The following FSD2 variants were observed in gnomAD, a reference collection of about 807,000 sequenced individuals.
FSD2 encodes fibronectin type III and SPRY domain-containing protein 2.
Under a neutral mutation model 80.4 loss-of-function variants are expected in FSD2, and 71 were observed. The observed-to-expected ratio is 0.88, with a 90% confidence interval of 0.73 to 1.08. The LOEUF (loss-of-function observed/expected upper bound fraction) is 1.08. Ranked by LOEUF, FSD2 falls within the 50% of genes least tolerant of loss-of-function variation. FSD2 has a pLI of 0.00. For missense variants in FSD2, 923 were observed against 913.8 expected (o/e 1.01, Z -0.13); for synonymous variants, 361 against 329.5 (o/e 1.10, Z -1.03).
rs533506972 is a variant in FSD2 at position 82,762,614 on chromosome 15, A to G, written c.1821-336T>C. Among the ~76,000 whole-genome samples the G allele has an allele frequency of 2.6e-5, 4 of 152,352 alleles. No individual in the cohort carries two copies. In the East Asian group the frequency reaches 7.7e-4, roughly 29 times the overall value. On this transcript the variant is annotated intron_variant, in intron 11 of 12. Coordinates refer to ENST00000334574, the MANE Select transcript of FSD2 (RefSeq NM_001007122.4). ...AAGAAAAGGGTTGAAAATACACAAC[A>G]CAGCACGGTTAAGGGAACCATAAGC... is the stretch of plus-strand genomic sequence containing the variant.
In FSD2 at chr15:82,765,200, T is replaced by C. The variant is rs2049386344; in HGVS notation, c.1786A>G (p.Arg596Gly). Residue 596 changes from arginine (R) to glycine (G), a missense_variant, in exon 11 of 13, where the codon AGG becomes GGG. Arg to Gly is a moderately radical substitution (Grantham distance 125). Coordinates refer to ENST00000334574, the MANE Select transcript of FSD2 (RefSeq NM_001007122.4). ...TGAGTGTCGCTGGGTGACAGCTCCCTGGCGGGGGTTCTCCTTTCACTTCGT... is the reference window on the plus strand; with the variant it reads ...TGAGTGTCGCTGGGTGACAGCTCCCCGGCGGGGGTTCTCCTTTCACTTCGT... The part of the protein sequence containing the change: ...AVRSERRTPA[R>G]ELSPSDTHFT... 7.5e-6 allele frequency: 12 copies of C among 1,607,240 alleles called. No individual in the cohort carries two copies. Among genetic ancestry groups the C allele is most frequent in the Non-Finnish European group, 1.0e-5 (12 of 1,176,328 alleles).
intron 1 of FSD2, among the ~76,000 whole-genome samples, chr15:82,803,128 T>A (rs2050452384): frequency 6.6e-6 from 1 of 152,104 alleles, no homozygotes. Context: ...CTGCTTTCCC[T>A]CTTTCCTGGG....
rs60095355 is a variant in FSD2 at position 82,764,492 on chromosome 15, C to CTTTTTTTTTTTTTTTTTTTTTTTTT, written c.1820+673_1820+674insAAAAAAAAAAAAAAAAAAAAAAAAA. On this transcript the variant is annotated intron_variant, in intron 11 of 12. Coordinates refer to ENST00000334574, the MANE Select transcript of FSD2 (RefSeq NM_001007122.4). Reference sequence around the variant, plus strand: ...CTCTTGTTGCTTCATTCTTTACTTGCTTTTTTTTTTTTTTTTTTTTGAGAA... The same window carrying CTTTTTTTTTTTTTTTTTTTTTTTTT: ...CTCTTGTTGCTTCATTCTTTACTTGCTTTTTTTTTTTTTTTTTTTTTTTTTTTTTTTTTTTTTTTTTTTTTGAGAA... Among the ~76,000 whole-genome samples the CTTTTTTTTTTTTTTTTTTTTTTTTT allele has an allele frequency of 1.9e-3, 163 of 86,116 alleles. 23 individuals are homozygous for CTTTTTTTTTTTTTTTTTTTTTTTTT. The highest frequency in any genetic ancestry group is 2.4e-3 in the African/African-American group (49 of 20,846). The allele number at this position is 86,116 out of a possible 152,430, so 56.5% of individuals were successfully genotyped here.
chr15:82,765,967 T>TA lies in FSD2; in HGVS notation c.1617dup (p.Ile540TyrfsTer42). 6.2e-7 allele frequency: 1 copy of TA among 1,604,380 alleles called. No homozygotes were observed. The highest frequency in any genetic ancestry group is 1.1e-5 in the South Asian group (1 of 88,786). ...CCCATATTGAGGGCTCGCACATAGA[T>TA]AATGTAGCTCCGCCCCGGCTGCAGC... On this transcript the variant is annotated frameshift_variant, in exon 10 of 13. Coordinates refer to ENST00000334574, the MANE Select transcript of FSD2 (RefSeq NM_001007122.4). LOFTEE classifies it high-confidence loss of function.
intron 1 of FSD2, among the ~76,000 whole-genome samples, chr15:82,798,367 G>T (rs544228414): frequency 6.6e-6 from 1 of 151,958 alleles, no homozygotes; most frequent in Non-Finnish European, 1.5e-5. Context: ...AAGAAAGAAC[G>T]AAAGGAAGAA....
intron 1 of FSD2, chr15:82,796,411 T>C (rs371607944): frequency 2.3e-4 from 35 of 153,840 alleles, no homozygotes; most frequent in Admixed American, 7.2e-4. Flanking sequence ...TGAACCAAGG[T>C]TGGCTGGCAG....
intron 1 of FSD2, among the ~76,000 whole-genome samples, chr15:82,791,395 T>C (rs1381746864): frequency 6.7e-6 from 1 of 150,010 alleles, no homozygotes; most frequent in African/African-American, 2.5e-5. Flanking sequence ...TTTTGAGACA[T>C]GGTCTCCCTC....
chr15:82,776,416 G>C (rs1209154679), intron 6 of FSD2, among the ~76,000 whole-genome samples: 1 of 152,206 alleles, frequency 6.6e-6, no homozygotes, highest in African/African-American at 2.4e-5. Flanking sequence ...TGGGAAGAAT[G>C]TGTATTCTGC....
At chr15:82,769,678 A>G (rs1191384475) in intron 8 of FSD2, 72 bp downstream of exon 8, 2 of 1,507,604 alleles carry the variant, frequency 1.3e-6, no homozygotes, top group African/African-American at 1.4e-5. Context: ...GAGCCCTGCC[A>G]TGTCTAGAAA....
chr15:82,781,169 T>C (rs2151511709), intron 4 of FSD2, among the ~76,000 whole-genome samples: 1 of 152,336 alleles, frequency 6.6e-6, no homozygotes, highest in Middle Eastern at 3.4e-3. Context: ...ACGCCATCAT[T>C]TACTTGATGG....
Position 82,786,935 on chromosome 15 carries a change from G to T in FSD2, c.456C>A (p.Tyr152Ter). 6.2e-7 allele frequency: 1 copy of T among 1,614,016 alleles called. No individual in the cohort carries two copies. Among genetic ancestry groups the T allele is most frequent in the Non-Finnish European group, 8.5e-7 (1 of 1,179,904 alleles). The change falls in exon 2 of 13, where the codon TAC becomes TAA. Residue 152 changes from tyrosine (Y) to a stop codon, truncating the protein, a stop_gained. Transcript: ENST00000334574. LOFTEE classifies it high-confidence loss of function. ...ACTCCTCGCTGGCACGGCCGTGTGT[G>T]TACCTATAGGCTTCCCGCAAGTCCT... Reference protein sequence around the residue: ...QCQDLREAYRYTHGRASEEYE... With the variant: ...QCQDLREAYR
intron 9 of FSD2, among the ~76,000 whole-genome samples, chr15:82,766,763 G>C (rs2049433926): frequency 6.7e-6 from 1 of 149,888 alleles, no homozygotes; most frequent in South Asian, 2.1e-4. Context: ...AAAGGTCCTT[G>C]ATTTATGTTT....
rs1293576103 is a variant in FSD2, at chr15:82,756,094, C to T, written c.*3254G>A. 5 of 451,178 alleles carry T rather than the reference C, an allele frequency of 1.1e-5. No individual in the cohort carries two copies. Among genetic ancestry groups the T allele is most frequent in the African/African-American group, 1.0e-4 (5 of 50,214 alleles). The allele number at this position is 451,178 out of a possible 1,614,324, so 27.9% of individuals were successfully genotyped here. ...GCAATTACACGCTTTCCATTGTCTT[C>T]CTATAGAAAATAGGAGTAGTACACT... is the stretch of plus-strand genomic sequence containing the variant. On this transcript the variant is annotated 3_prime_UTR_variant, in exon 13 of 13. Coordinates refer to ENST00000334574, the MANE Select transcript of FSD2 (RefSeq NM_001007122.4).
At chr15:82,789,324 T>C (rs1269452887) in intron 1 of FSD2, among the ~76,000 whole-genome samples, 4 of 151,428 alleles carry the variant, frequency 2.6e-5, no homozygotes, top group Admixed American at 6.6e-5. Context: ...ATGTCCACTA[T>C]TTTAATGAAG....
At chr15:82,799,025 G>A (rs2050348085) in intron 1 of FSD2, among the ~76,000 whole-genome samples, 1 of 151,816 alleles carries the variant, frequency 6.6e-6, no homozygotes, top group Non-Finnish European at 1.5e-5. Flanking sequence ...TCACAGGCAT[G>A]CACCACCACG....
intron 6 of FSD2, among the ~76,000 whole-genome samples, chr15:82,777,017 C>G (rs1344275822): frequency 6.6e-6 from 1 of 152,174 alleles, no homozygotes; most frequent in East Asian, 1.9e-4. Context: ...CTATATCCAC[C>G]TGCAGAATAA....
rs564358665 is a variant in FSD2 at position 82,777,192 on chromosome 15, G to A, written c.1111+1574C>T. Among the ~76,000 whole-genome samples the A allele has an allele frequency of 1.6e-4, 24 of 152,226 alleles. No individual in the cohort carries two copies. In the South Asian group the frequency reaches 3.7e-3, roughly 24 times the overall value. ...TGATTTCTTAGATTTGACACCAAAA[G>A]CACAAGCAACAAAACAAAAAATAGG... On this transcript the variant is annotated intron_variant, in intron 6 of 12. Transcript: ENST00000334574.
intron 4 of FSD2, among the ~76,000 whole-genome samples, chr15:82,781,318 T>C (rs1185757721): frequency 1.3e-5 from 2 of 152,212 alleles, no homozygotes; most frequent in Admixed American, 1.3e-4. Flanking sequence ...TGAGCATTGA[T>C]GGTTCTTGCA....
chr15:82,760,611 C>T (rs989243803), intron 12 of FSD2, among the ~76,000 whole-genome samples: 2 of 151,148 alleles, frequency 1.3e-5, no homozygotes, highest in Admixed American at 1.3e-4. Flanking sequence ...GTTTCTTCTA[C>T]TTTCTATGCT....
Sources: allele counts gnomAD v4.1 joint callset (sites outside exome capture counted in the v4.1 genomes callset), GRCh38; gene constraint gnomAD v4.1.1; transcripts MANE v1.5; gene names NCBI Gene and HGNC (gene_info 2026-07-23, HGNC 2026-07-21).